Variants in COL28A1 observed in about 807,000 individuals in gnomAD.
The protein encoded by COL28A1 is collagen alpha-1(XXVIII) chain.
In COL28A1, 161 loss-of-function variants were observed where a neutral mutation model predicts 150.2. The ratio of observed to expected loss-of-function variants is 1.07; its 90% CI spans 0.94 to 1.22. The LOEUF (loss-of-function observed/expected upper bound fraction) is 1.22. Ranked by LOEUF, COL28A1 falls within the 50% of genes most tolerant of loss-of-function variation. The pLI, the probability that COL28A1 is intolerant of heterozygous loss-of-function variation, is 0.00. For synonymous variants in COL28A1, 552 were observed against 469.7 expected, an observed-to-expected ratio of 1.18 and a Z score of -2.26; for missense variants, 1,617 against 1,388.3, an observed-to-expected ratio of 1.16 and a Z score of -2.62.
rs184726288 is a variant in COL28A1 at position 7,460,356 on chromosome 7, C to G, written c.1303-4244G>C. ...GGAGCCTAGGGATGGATATACACTT[C>G]TATAAGAAGGTCAAGTCAATGTTTT... On this transcript the variant is annotated intron_variant, in intron 15 of 34. Coordinates refer to ENST00000399429, the MANE Select transcript of COL28A1 (RefSeq NM_001037763.3). Among the ~76,000 whole-genome samples the G allele has an allele frequency of 1.9e-4, 29 of 151,754 alleles. 1 individual carries two copies. Among genetic ancestry groups the G allele is most frequent in the Admixed American group, 1.7e-3 (26 of 15,236 alleles).
chr7:7,460,517 G>A lies in COL28A1; in HGVS notation c.1303-4405C>T, dbSNP rs370392567. Among the ~76,000 whole-genome samples, 709 of 152,172 alleles carry A rather than the reference G, an allele frequency of 4.7e-3. 5 individuals carry two copies. The highest frequency in any genetic ancestry group is 0.022 in the East Asian group (115 of 5,170). ...TCCTGCCTCAGCCTCCCGAGTAGCT[G>A]GGACTACAGGCGCCTGCCACCACGC... On this transcript the variant is annotated intron_variant, in intron 15 of 34. Coordinates refer to ENST00000399429, the MANE Select transcript of COL28A1 (RefSeq NM_001037763.3).
chr7:7,543,525 T>C, the COL28A1 span, among the ~76,000 whole-genome samples: 5 of 152,216 alleles, frequency 3.3e-5, no homozygotes, highest in African/African-American at 7.2e-5. Context: ...CAGATTTCTA[T>C]TGTGTAAAAA....
intron 6 of COL28A1, among the ~76,000 whole-genome samples, chr7:7,519,102 T>C (rs1351481346): frequency 6.6e-6 from 1 of 152,180 alleles, no homozygotes; most frequent in East Asian, 1.9e-4. Context: ...GGGTAGTTTA[T>C]AAAGCAAAGA....
chr7:7,425,013 C>T (rs1190010825), intron 25 of COL28A1, among the ~76,000 whole-genome samples: 1 of 152,078 alleles, frequency 6.6e-6, no homozygotes, highest in Non-Finnish European at 1.5e-5. Flanking sequence ...GGAGAGCAAA[C>T]ACATTCATTC....
At chr7:7,543,005 A>G in the COL28A1 span, among the ~76,000 whole-genome samples, 3 of 152,242 alleles carry the variant, frequency 2.0e-5, no homozygotes, top group Non-Finnish European at 4.4e-5. Flanking sequence ...CTCTGGGGAA[A>G]AAAGTGTATT....
At position 7,502,960 on chromosome 7, in the gene COL28A1, G is replaced by C. The variant is rs891492370; in HGVS notation, c.1026+3054C>G. On this transcript the variant is annotated intron_variant, in intron 11 of 34. Transcript: ENST00000399429. ...GATCCGCCCGCCTCGGCCTCCCAAAGTGCTGGGATTACAGGCGTGATATTC... is the reference window on the plus strand; with the variant it reads ...GATCCGCCCGCCTCGGCCTCCCAAACTGCTGGGATTACAGGCGTGATATTC... 2.8e-4 allele frequency among the ~76,000 whole-genome samples: 13 copies of C among 46,216 alleles called. 4 individuals carry two copies. Among genetic ancestry groups the C allele is most frequent in the African/African-American group, 2.0e-3 (4 of 2,008 alleles). 30.3% of individuals were successfully genotyped at this position (46,216 alleles called of 152,430 possible). A position where few individuals can be genotyped will look rare whatever the true frequency, so the allele number is the denominator to read the frequency against.
Position 7,429,394 on chromosome 7 carries a change from T to C in COL28A1, c.1998+3079A>G, listed in dbSNP as rs146266710. ...ATCTTCCTTTCTTTGCCAGTTTCTG[T>C]CTATGAATCTCCCTCTCTCTCTCTC... is the stretch of plus-strand genomic sequence containing the variant. On this transcript the variant is annotated intron_variant, in intron 25 of 34. Coordinates refer to ENST00000399429, the MANE Select transcript of COL28A1 (RefSeq NM_001037763.3). 3.6e-3 allele frequency among the ~76,000 whole-genome samples: 535 copies of C among 150,640 alleles called. 1 individual carries two copies. The highest frequency in any genetic ancestry group is 0.014 in the South Asian group (67 of 4,794).
At chr7:7,397,244 T>G (rs967016632) in intron 27 of COL28A1, among the ~76,000 whole-genome samples, 3 of 152,132 alleles carry the variant, frequency 2.0e-5, no homozygotes, top group African/African-American at 7.2e-5. Context: ...TTCAACAGTT[T>G]TCCTCCATCT....
chr7:7,380,696 C>T, the COL28A1 span: 1 of 1,613,668 alleles, frequency 6.2e-7, no homozygotes, highest in Non-Finnish European at 8.5e-7. Flanking sequence ...CTTGTAAACC[C>T]TACTTAGTGG....
intron 13 of COL28A1, among the ~76,000 whole-genome samples, chr7:7,481,132 A>G (rs1169435025): frequency 6.6e-6 from 1 of 152,252 alleles, no homozygotes; most frequent in Non-Finnish European, 1.5e-5. Flanking sequence ...AACAATGTGT[A>G]AAAAGCATGC....
At chr7:7,371,966 G>A (rs1357412665) in intron 32 of COL28A1, among the ~76,000 whole-genome samples, 2 of 151,984 alleles carry the variant, frequency 1.3e-5, no homozygotes, top group African/African-American at 4.8e-5. Flanking sequence ...CCGGGTAGCT[G>A]GGACTACAGG....
intron 21 of COL28A1, among the ~76,000 whole-genome samples, chr7:7,438,823 C>T (rs926385503): frequency 1.9e-4 from 29 of 152,158 alleles, no homozygotes; most frequent in African/African-American, 7.0e-4. Context: ...CAAATCCAGC[C>T]CACCCCCTTG....
intron 34 of COL28A1, among the ~76,000 whole-genome samples, chr7:7,359,011 A>G: frequency 3.2e-5 from 1 of 30,886 alleles, no homozygotes; most frequent in Middle Eastern, 0.028. Context: ...CTAGATATTA[A>G]TTCTTTTGAA....
intron 15 of COL28A1, 65 bp from the exon 16 acceptor site, chr7:7,456,177 A>T: frequency 6.4e-7 from 1 of 1,560,930 alleles, no homozygotes; most frequent in Non-Finnish European, 8.7e-7. Context: ...ATACTTTGCT[A>T]ACCTGGAATT....
At chr7:7,422,788 C>G (rs952019382) in intron 25 of COL28A1, among the ~76,000 whole-genome samples, 1 of 152,134 alleles carries the variant, frequency 6.6e-6, no homozygotes, top group Non-Finnish European at 1.5e-5. Context: ...TGAGTGTCCC[C>G]AAGTTCCTGC....
chr7:7,362,604 A>G (rs1042581071), intron 33 of COL28A1, among the ~76,000 whole-genome samples: 9 of 60,730 alleles, frequency 1.5e-4, no homozygotes, highest in Non-Finnish European at 2.6e-4. Flanking sequence ...CAGGTGACTT[A>G]GAGCAAAGAT....
At chr7:7,406,806 A>G (rs1402561686) in intron 27 of COL28A1, among the ~76,000 whole-genome samples, 2 of 152,154 alleles carry the variant, frequency 1.3e-5, no homozygotes, top group African/African-American at 4.8e-5. Context: ...ATGCAAGATA[A>G]AGTCAACAAG....
Position 7,381,541 on chromosome 7 carries a change from T to G in COL28A1, c.2205+3A>C. On this transcript the variant is annotated splice_donor_region_variant and intron_variant, in intron 28 of 34. Transcript: ENST00000399429. The stretch of plus-strand genomic sequence containing the variant: ...CATTTCTCTAAGATCCTGAGACACT[T>G]ACCTTCTGGCCTGGGAGGCCATGGC... 2 of 1,611,642 alleles carry G rather than the reference T, an allele frequency of 1.2e-6. No individual in the cohort carries two copies.
At chr7:7,341,357 T>C in the COL28A1 span, among the ~76,000 whole-genome samples, 1 of 152,162 alleles carries the variant, frequency 6.6e-6, no homozygotes, top group African/African-American at 2.4e-5. Flanking sequence ...AGAATTATTT[T>C]TGCTGATGCT....
Sources: gnomAD v4.1 joint callset for allele counts (sites outside exome capture counted in the v4.1 genomes callset) on GRCh38, gnomAD v4.1.1 for gene constraint, MANE v1.5 for transcripts, NCBI Gene and HGNC (gene_info 2026-07-23, HGNC 2026-07-21) for gene names.